SPECC1: variants seen among roughly 807,000 people sequenced by gnomAD.
The protein encoded by SPECC1 is cytospin-B.
SPECC1 carries 62 observed loss-of-function variants against 104.1 expected under a neutral mutation model. The observed-to-expected ratio is 0.60, with a 90% confidence interval of 0.49 to 0.74. The LOEUF (loss-of-function observed/expected upper bound fraction) is 0.74. Ranked by LOEUF, SPECC1 falls within the 30% of genes least tolerant of loss-of-function variation. The pLI is 0.00. For synonymous variants in SPECC1, 513 were observed against 501.6 expected, an observed-to-expected ratio of 1.02 and a Z score of -0.30; for missense variants, 1,306 against 1,310.5, an observed-to-expected ratio of 1.00 and a Z score of 0.05.
intron 10 of SPECC1, among the ~76,000 whole-genome samples, chr17:20,255,834 A>T (rs891187496): frequency 2.6e-5 from 4 of 150,980 alleles, no homozygotes; most frequent in Admixed American, 2.6e-4. Context: ...GGCCTCCCAA[A>T]GCGCTGGGAT....
intron 3 of SPECC1, among the ~76,000 whole-genome samples, chr17:20,135,559 C>T (rs948543524): frequency 6.6e-6 from 1 of 152,168 alleles, no homozygotes; most frequent in African/African-American, 2.4e-5. Context: ...CCAAGTGATC[C>T]TCCCGCCTCA....
chr17:20,309,244 T>G (rs1300134747), intron 14 of SPECC1, among the ~76,000 whole-genome samples: 2 of 152,230 alleles, frequency 1.3e-5, no homozygotes, highest in Non-Finnish European at 2.9e-5. Context: ...CATGACACTT[T>G]AAAACTACAC....
rs762643888 is a variant in SPECC1, at chr17:20,317,259, A to ATTTTTTTTT, written c.*3207_*3215dup. On this transcript the variant is annotated 3_prime_UTR_variant, in exon 15 of 15. Coordinates refer to ENST00000395527, the MANE Select transcript of SPECC1 (RefSeq NM_001243439.2). ...GCAAGACCTCTGACTCTATAAAAAAATTTTTTTTTTTTTTTTTTTTTGAGA... is the reference window on the plus strand; with the variant it reads ...GCAAGACCTCTGACTCTATAAAAAAATTTTTTTTTTTTTTTTTTTTTTTTTTTTTTGAGA... The ATTTTTTTTT allele has an allele frequency of 0.037, 2,563 of 69,520 alleles. 351 individuals are homozygous for ATTTTTTTTT. The highest frequency in any genetic ancestry group is 0.093 in the East Asian group (117 of 1,256). 4.3% of individuals were successfully genotyped at this position (69,520 alleles called of 1,614,324 possible).
At chr17:20,246,581 T>C (rs2039431632) in intron 8 of SPECC1, among the ~76,000 whole-genome samples, 1 of 152,212 alleles carries the variant, frequency 6.6e-6, no homozygotes, top group Non-Finnish European at 1.5e-5. Context: ...CTAGGTGTGT[T>C]CCCAGCTTTT....
intron 4 of SPECC1, among the ~76,000 whole-genome samples, chr17:20,208,813 A>G (rs2036950017): frequency 6.6e-6 from 1 of 152,108 alleles, no homozygotes; most frequent in African/African-American, 2.4e-5. Context: ...TTGGTGGTTT[A>G]TTTTTAGAGA....
At chr17:20,091,956 CG>C (rs1169210681) in intron 1 of SPECC1, among the ~76,000 whole-genome samples, 2 of 152,140 alleles carry the variant, frequency 1.3e-5, no homozygotes, top group Non-Finnish European at 2.9e-5. Flanking sequence ...AATTTAGTGG[CG>C]GAACAGCGTG....
chr17:20,089,269 G>A (rs917890575), intron 1 of SPECC1, among the ~76,000 whole-genome samples: 1 of 152,138 alleles, frequency 6.6e-6, no homozygotes, highest in African/African-American at 2.4e-5. Flanking sequence ...GAAAGAAGAC[G>A]AAGGAAAATG....
chr17:20,233,708 G>A (rs539882071), intron 7 of SPECC1, among the ~76,000 whole-genome samples: 4 of 152,150 alleles, frequency 2.6e-5, no homozygotes, highest in Non-Finnish European at 4.4e-5. Flanking sequence ...GACACCAAAG[G>A]ATGTGAATTT....
rs530338572 is a variant in SPECC1, at chr17:20,268,902, G to A, written c.2940+8608G>A. Reference sequence around the variant, plus strand: ...CTCAGTGGTGTGTGCATGCCCAGAGGTATGAAACTTCAAGGAATAAAAGTG... The same window carrying A: ...CTCAGTGGTGTGTGCATGCCCAGAGATATGAAACTTCAAGGAATAAAAGTG... On this transcript the variant is annotated intron_variant, in intron 12 of 14. Coordinates refer to ENST00000395527, the MANE Select transcript of SPECC1 (RefSeq NM_001243439.2). Among the ~76,000 whole-genome samples the A allele has an allele frequency of 3.3e-5, 5 of 152,290 alleles. No individual in the cohort carries two copies. The East Asian group carries it at 9.7e-4, about 29-fold the overall frequency.
At chr17:20,279,146 G>A (rs2040673833) in intron 12 of SPECC1, among the ~76,000 whole-genome samples, 2 of 152,178 alleles carry the variant, frequency 1.3e-5, no homozygotes, top group Admixed American at 1.3e-4. Context: ...GATAATCACA[G>A]TCCCAGGTGA....
intron 13 of SPECC1, among the ~76,000 whole-genome samples, chr17:20,304,517 A>G (rs551490087): frequency 6.6e-6 from 1 of 152,292 alleles, no homozygotes; most frequent in South Asian, 2.1e-4. Flanking sequence ...CTAGGGCTGA[A>G]TGATTGTGGA....
At chr17:20,099,919 A>G (rs1361476325) in intron 2 of SPECC1, among the ~76,000 whole-genome samples, 2 of 152,078 alleles carry the variant, frequency 1.3e-5, no homozygotes, top group African/African-American at 2.4e-5. Context: ...TGTGGATACC[A>G]AAATCCATGG....
chr17:20,266,028 TCTTA>T (rs1567593211), intron 12 of SPECC1, among the ~76,000 whole-genome samples: 1 of 152,244 alleles, frequency 6.6e-6, no homozygotes, highest in Non-Finnish European at 1.5e-5. Context: ...GCTTTGATCT[TCTTA>T]CTTAAGATTG....
chr17:20,247,228 G>A lies in SPECC1; in HGVS notation c.2507G>A (p.Gly836Glu). 6.2e-7 allele frequency: 1 copy of A among 1,612,698 alleles called. No homozygotes were observed. Among genetic ancestry groups the A allele is most frequent in the Non-Finnish European group, 8.5e-7 (1 of 1,179,322 alleles). ...TGTTTTTTCTTGGCAGGTGGAGCTG[G>A]ACAGAATATTTCTGTCCATAAGACC... Reference protein sequence around the residue: ...SFDLGRPGGAGQNISVHKTPR... With the variant: ...SFDLGRPGGAEQNISVHKTPR... The change falls in exon 9 of 15, where the codon GGA becomes GAA. Residue 836 changes from glycine to glutamate, a missense_variant. Transcript: ENST00000395527.
intron 5 of SPECC1, among the ~76,000 whole-genome samples, chr17:20,230,411 C>G (rs1189843357): frequency 6.6e-6 from 1 of 152,224 alleles, no homozygotes; most frequent in Non-Finnish European, 1.5e-5. Flanking sequence ...GCCATCCAGG[C>G]TGTTCTCAGG....
intron 1 of SPECC1, among the ~76,000 whole-genome samples, chr17:20,032,471 A>C (rs562276821): frequency 7.3e-5 from 11 of 150,708 alleles, no homozygotes; most frequent in African/African-American, 2.7e-4. Flanking sequence ...TTTTCTTTTT[A>C]TTTTTCATTT....
intron 3 of SPECC1, among the ~76,000 whole-genome samples, chr17:20,115,341 C>T (rs915727030): frequency 9.2e-5 from 14 of 151,924 alleles, no homozygotes; most frequent in African/African-American, 2.7e-4. Context: ...GGCGCGGTGG[C>T]GGGTGCCTGT....
intron 4 of SPECC1, among the ~76,000 whole-genome samples, chr17:20,217,618 T>C (rs2037584405): frequency 6.6e-6 from 1 of 152,226 alleles, no homozygotes; most frequent in African/African-American, 2.4e-5. Context: ...CTCTACAACA[T>C]GCAGCCAGGT....
At chr17:20,123,488 C>T (rs910400719) in intron 3 of SPECC1, among the ~76,000 whole-genome samples, 36 of 152,210 alleles carry the variant, frequency 2.4e-4, no homozygotes, top group Admixed American at 9.2e-4. Context: ...CAGGTAATGC[C>T]TGAGGCTCCA....
Sources: allele counts gnomAD v4.1 joint callset (sites outside exome capture counted in the v4.1 genomes callset), GRCh38; gene constraint gnomAD v4.1.1; transcripts MANE v1.5; gene names NCBI Gene and HGNC (gene_info 2026-07-23, HGNC 2026-07-21).